GLIS3: variants seen among roughly 807,000 people sequenced by gnomAD.
The protein encoded by GLIS3 is GLIS family zinc finger 3, also known as zinc finger protein GLIS3.
In GLIS3, 53 loss-of-function variants were observed where a neutral mutation model predicts 78.6. The observed-to-expected ratio is 0.67, with a 90% CI of 0.54 to 0.85. GLIS3 has a LOEUF of 0.85. Ranked by LOEUF, GLIS3 falls within the 40% of genes least tolerant of loss-of-function variation. The pLI is 0.00. For missense variants in GLIS3, 1,703 were observed against 1,231.1 expected, an observed-to-expected ratio of 1.38 and a Z score of -5.74; for synonymous variants, 684 against 509.9, an observed-to-expected ratio of 1.34 and a Z score of -4.60.
At chr9:3,845,461 G>C (rs1411335078) in intron 9 of GLIS3, among the ~76,000 whole-genome samples, 2 of 152,134 alleles carry the variant, frequency 1.3e-5, no homozygotes, top group Non-Finnish European at 2.9e-5. Flanking sequence ...TTGAGCAGTG[G>C]AATTGGGGCA....
chr9:3,985,733 T>C (rs10814812), intron 4 of GLIS3, among the ~76,000 whole-genome samples: 46,113 of 152,142 alleles, frequency 0.3, 6,992 homozygotes, highest in Middle Eastern at 0.35. Flanking sequence ...ATGTGAGAAA[T>C]CTAAGATTGG....
intron 8 of GLIS3, among the ~76,000 whole-genome samples, chr9:3,870,402 G>A (rs142854148): frequency 1.4e-3 from 219 of 152,216 alleles, no homozygotes; most frequent in African/African-American, 5.0e-3. Flanking sequence ...TGAAACAAAT[G>A]AAAATGAAAA....
the GLIS3 span, among the ~76,000 whole-genome samples, chr9:4,372,038 C>G: frequency 1.3e-5 from 2 of 152,220 alleles, no homozygotes; most frequent in South Asian, 4.2e-4. Flanking sequence ...GTCTTGCCCC[C>G]TCCTCTCCTG....
intron 4 of GLIS3, chr9:4,054,264 C>A (rs1035162079): frequency 2.3e-6 from 2 of 863,784 alleles, no homozygotes; most frequent in African/African-American, 3.7e-5. Flanking sequence ...ACGGTCACTG[C>A]TCTATTCTCA....
intron 4 of GLIS3, among the ~76,000 whole-genome samples, chr9:4,096,385 A>T (rs1742805): frequency 0.08 from 12,121 of 152,234 alleles, 640 homozygotes; most frequent in Non-Finnish European, 0.11. Flanking sequence ...TGTATTGTTA[A>T]CTCATACGAA....
chr9:4,267,354 C>G lies in GLIS3; in HGVS notation c.388+18684G>C, dbSNP rs1240021602. Reference sequence around the variant, plus strand: ...GCCCTTGAGGGTTAAGTGAAGACAGCAGAAAAGACCATCCTCTCATGGCTA... The same window carrying G: ...GCCCTTGAGGGTTAAGTGAAGACAGGAGAAAAGACCATCCTCTCATGGCTA... On this transcript the variant is annotated intron_variant, in intron 2 of 10. Transcript: ENST00000381971. Among the ~76,000 whole-genome samples, 3 of 152,232 alleles carry G rather than the reference C, an allele frequency of 2.0e-5. No individual in the cohort carries two copies. The East Asian group carries it at 5.8e-4, about 29-fold the overall frequency.
chr9:4,240,748 A>C (rs998003874), intron 2 of GLIS3, among the ~76,000 whole-genome samples: 2 of 152,194 alleles, frequency 1.3e-5, no homozygotes, highest in Non-Finnish European at 2.9e-5. Flanking sequence ...TCAAACAAAA[A>C]TGGATACTAG....
At chr9:4,363,841 G>A in the GLIS3 span, among the ~76,000 whole-genome samples, 1 of 152,324 alleles carries the variant, frequency 6.6e-6, no homozygotes, top group South Asian at 2.1e-4. Flanking sequence ...ACAAGAGCTG[G>A]ATGGCTGTTG....
At chr9:3,970,719 A>G (rs1401760392) in intron 4 of GLIS3, among the ~76,000 whole-genome samples, 1 of 152,212 alleles carries the variant, frequency 6.6e-6, no homozygotes, top group Non-Finnish European at 1.5e-5. Flanking sequence ...TCATACACAC[A>G]AACCTCTCAC....
intron 4 of GLIS3, among the ~76,000 whole-genome samples, chr9:3,969,235 T>C (rs1268078448): frequency 6.6e-6 from 1 of 152,208 alleles, no homozygotes; most frequent in African/African-American, 2.4e-5. Context: ...AAAGTGAAGA[T>C]TCAGAAGGCT....
chr9:4,159,983 T>C (rs1028111470), intron 2 of GLIS3, among the ~76,000 whole-genome samples: 1 of 152,200 alleles, frequency 6.6e-6, no homozygotes, highest in Non-Finnish European at 1.5e-5. Context: ...AGTATTAATA[T>C]CATCATTGTG....
intron 4 of GLIS3, among the ~76,000 whole-genome samples, chr9:4,041,987 C>G (rs1824850315): frequency 6.6e-6 from 1 of 152,210 alleles, no homozygotes; most frequent in African/African-American, 2.4e-5. Flanking sequence ...GAACCTCCAC[C>G]ACCTGTATAT....
chr9:3,984,927 C>A (rs1254575582), intron 4 of GLIS3, among the ~76,000 whole-genome samples: 1 of 152,088 alleles, frequency 6.6e-6, no homozygotes, highest in Non-Finnish European at 1.5e-5. Context: ...TGCCTGCTGC[C>A]AACCATGTAA....
intron 4 of GLIS3, among the ~76,000 whole-genome samples, chr9:4,021,858 G>C (rs1017378560): frequency 1.3e-5 from 2 of 152,074 alleles, no homozygotes; most frequent in Admixed American, 6.6e-5. Context: ...TCAGTTTATC[G>C]GGCACAACAT....
the GLIS3 span, among the ~76,000 whole-genome samples, chr9:4,378,887 T>C: frequency 6.6e-6 from 1 of 152,180 alleles, no homozygotes; most frequent in Non-Finnish European, 1.5e-5. Flanking sequence ...TGATTCTTCC[T>C]CTATGAGGTA....
At chr9:4,003,089 T>G (rs1414643409) in intron 4 of GLIS3, among the ~76,000 whole-genome samples, 1 of 152,184 alleles carries the variant, frequency 6.6e-6, no homozygotes, top group African/African-American at 2.4e-5. Context: ...TTCAAAAGTT[T>G]TATATATAGG....
intron 2 of GLIS3, among the ~76,000 whole-genome samples, chr9:4,263,719 T>C (rs1825736103): frequency 6.6e-6 from 1 of 152,186 alleles, no homozygotes; most frequent in Non-Finnish European, 1.5e-5. Flanking sequence ...AATAGAGTAT[T>C]TTGTGGCTTC....
At chr9:4,134,884 G>A (rs1442866946) in intron 2 of GLIS3, among the ~76,000 whole-genome samples, 1 of 152,106 alleles carries the variant, frequency 6.6e-6, no homozygotes, top group Non-Finnish European at 1.5e-5. Context: ...TTTGCCACAC[G>A]GTATACACCT....
At chr9:4,470,293 CA>C in the GLIS3 span, among the ~76,000 whole-genome samples, 2,066 of 151,562 alleles carry the variant, frequency 0.014, 52 homozygotes, top group African/African-American at 0.048. Context: ...CTGGCAGAGA[CA>C]AAAAAAAGAA....
Sources: allele counts gnomAD v4.1 joint callset (sites outside exome capture counted in the v4.1 genomes callset), GRCh38; gene constraint gnomAD v4.1.1; transcripts MANE v1.5; gene names NCBI Gene and HGNC (gene_info 2026-07-23, HGNC 2026-07-21).